The following PIEZO2 variants were observed in gnomAD, a reference collection of about 807,000 sequenced individuals.
PIEZO2 encodes piezo-type mechanosensitive ion channel component 2.
In PIEZO2, 172 loss-of-function variants were observed where a neutral mutation model predicts 337.3. That is an observed-to-expected ratio of 0.51 (90% confidence interval 0.45 to 0.58). The LOEUF (loss-of-function observed/expected upper bound fraction) is 0.58, where lower values mean the gene tolerates loss of function less well. PIEZO2 is among the 20% of genes least tolerant of loss of function. The pLI is 0.00. For missense variants in PIEZO2, 3,028 were observed against 3,391.3 expected (o/e 0.89, Z 2.66); for synonymous variants, 1,251 against 1,228.5 (o/e 1.02, Z -0.38).
At chr18:11,058,464 A>T (rs2037810710) in intron 2 of PIEZO2, among the ~76,000 whole-genome samples, 1 of 152,218 alleles carries the variant, frequency 6.6e-6, no homozygotes, top group Non-Finnish European at 1.5e-5. Flanking sequence ...ACTTCAGATG[A>T]TCAAACTACT....
chr18:10,701,740 A>G (rs1022026357), intron 43 of PIEZO2: 2 of 354,852 alleles, frequency 5.6e-6, no homozygotes, highest in Admixed American at 4.8e-5. Flanking sequence ...ATGGGGAAAC[A>G]TTCTCCCAGA....
At chr18:11,040,924 GA>G (rs2037097285) in intron 2 of PIEZO2, among the ~76,000 whole-genome samples, 1 of 152,064 alleles carries the variant, frequency 6.6e-6, no homozygotes, top group Admixed American at 6.5e-5. Context: ...GAAAAATTAG[GA>G]ATGAGGCCAA....
intron 33 of PIEZO2, chr18:10,738,994 C>A (rs2037117060): frequency 6.6e-6 from 1 of 152,162 alleles, no homozygotes; most frequent in South Asian, 2.1e-4. Flanking sequence ...ACATGTGTAT[C>A]CAACTACACT....
chr18:11,058,353 T>C (rs561246455), intron 2 of PIEZO2, among the ~76,000 whole-genome samples: 1 of 152,282 alleles, frequency 6.6e-6, no homozygotes, highest in East Asian at 1.9e-4. Context: ...CTGAAAACTC[T>C]AAAAATCAGA....
At chr18:11,014,399 G>A (rs1399561304) in intron 2 of PIEZO2, among the ~76,000 whole-genome samples, 2 of 150,232 alleles carry the variant, frequency 1.3e-5, no homozygotes, top group African/African-American at 4.9e-5. Flanking sequence ...TCCTCAGTGT[G>A]GAGCACGTCA....
intron 3 of PIEZO2, among the ~76,000 whole-genome samples, chr18:10,964,862 T>C (rs1432848029): frequency 6.6e-6 from 1 of 152,250 alleles, no homozygotes; most frequent in East Asian, 1.9e-4. Flanking sequence ...GTATGTGAAC[T>C]TGGTGTCTGG....
At chr18:10,693,720 G>T (rs920023376) in intron 47 of PIEZO2, among the ~76,000 whole-genome samples, 1 of 151,434 alleles carries the variant, frequency 6.6e-6, no homozygotes, top group Non-Finnish European at 1.5e-5. Context: ...TTAGGATCTA[G>T]TATCACCATT....
Position 10,726,254 on chromosome 18 carries a change from C to CCTGTGTT in PIEZO2, c.5029+5146_5029+5152dup. On this transcript the variant is annotated intron_variant, in intron 36 of 55. Coordinates refer to ENST00000674853, the MANE Select transcript of PIEZO2 (RefSeq NM_001378183.1). The surrounding 1 kb of genome is among the most constrained non-coding windows in gnomAD (Gnocchi z 5.9). ...GGGGCTGGAAGAGCTTGTGTGCGAG[C>CCTGTGTT]CTGTGTTCGGGAGCATGAGAATGGA... 1 of 770,204 alleles carries CCTGTGTT rather than the reference C, an allele frequency of 1.3e-6. No homozygotes were observed. The allele number at this position is 770,204 out of a possible 1,614,324, so 47.7% of individuals were successfully genotyped here.
At position 10,696,229 on chromosome 18, in the gene PIEZO2, C is replaced by A. The variant is rs2277860; in HGVS notation, c.7035G>T (p.Pro2345=). ...ACTGAATGAGGACCATCACCAAAAACGGCCCCGGGACCTGGTCCTCTGACA... is the reference window on the plus strand; with the variant it reads ...ACTGAATGAGGACCATCACCAAAAAAGGCCCCGGGACCTGGTCCTCTGACA... ...SSLSEDQVPG[P]FLVMVLIQFG... Residue 2345 remains proline, a synonymous_variant, in exon 47 of 56, where the codon CCG becomes CCT. Transcript: ENST00000674853. The A allele has an allele frequency of 2.5e-6, 4 of 1,613,924 alleles. No homozygotes were observed. Among genetic ancestry groups the A allele is most frequent in the Non-Finnish European group, 3.4e-6 (4 of 1,179,982 alleles).
intron 1 of PIEZO2, among the ~76,000 whole-genome samples, chr18:11,085,856 A>T (rs1296411184): frequency 6.8e-6 from 1 of 147,034 alleles, no homozygotes; most frequent in Admixed American, 6.8e-5. Context: ...AAAAAAAAAA[A>T]CGGAGAGAGT....
At position 10,705,753 on chromosome 18, in the gene PIEZO2, G is replaced by A. The variant is rs1182350612; in HGVS notation, c.5589-7C>T. On this transcript the variant is annotated splice_polypyrimidine_tract_variant and splice_region_variant and intron_variant, in intron 40 of 55. Transcript: ENST00000674853. ...GGTACACTGCGTGGGCTCGCTGTTG[G>A]GAGAAAGCGTGGGCACAGAGCCCAT... 6 of 1,512,902 alleles carry A rather than the reference G, an allele frequency of 4.0e-6. No homozygotes were observed. The highest frequency in any genetic ancestry group is 1.4e-5 in the African/African-American group (1 of 72,402). 93.7% of individuals were successfully genotyped at this position (1,512,902 alleles called of 1,614,324 possible). A position where few individuals can be genotyped will look rare whatever the true frequency, so the allele number is the denominator to read the frequency against.
chr18:10,709,930 A>G (rs144644104), intron 39 of PIEZO2, among the ~76,000 whole-genome samples: 1 of 152,368 alleles, frequency 6.6e-6, no homozygotes, highest in African/African-American at 2.4e-5. Flanking sequence ...GGACAAAATG[A>G]GGAGACAATG....
In PIEZO2 at chr18:10,821,455, C is replaced by T. The variant is rs577176144; in HGVS notation, c.918-14181G>A. ...TTGCATAAAGGTATCTACCTACCCA[C>T]CTAGAAGTAGAATGTTCTGATTAAA... On this transcript the variant is annotated intron_variant, in intron 7 of 55. Coordinates refer to ENST00000674853, the MANE Select transcript of PIEZO2 (RefSeq NM_001378183.1). This position sits in a 1 kb window ranked among gnomAD's most constrained non-coding sequence, Gnocchi z 4.2. Among the ~76,000 whole-genome samples, 3 of 152,082 alleles carry T rather than the reference C, an allele frequency of 2.0e-5. No homozygotes were observed. Among genetic ancestry groups the T allele is most frequent in the African/African-American group, 7.2e-5 (3 of 41,404 alleles).
At chr18:10,831,158 A>C (rs562763941) in intron 7 of PIEZO2, among the ~76,000 whole-genome samples, 1 of 152,350 alleles carries the variant, frequency 6.6e-6, no homozygotes, top group African/African-American at 2.4e-5. Flanking sequence ...CATACGATCC[A>C]GCAATCCCAC....
chr18:10,732,159 T>C (rs2036814217), intron 35 of PIEZO2, among the ~76,000 whole-genome samples: 4 of 152,190 alleles, frequency 2.6e-5, no homozygotes, highest in Admixed American at 2.6e-4. Context: ...GTTACATTAA[T>C]ATATTATAAC....
chr18:10,734,819 T>C (rs1397547881), intron 35 of PIEZO2, among the ~76,000 whole-genome samples: 1 of 152,044 alleles, frequency 6.6e-6, no homozygotes, highest in African/African-American at 2.4e-5. Context: ...AGAGACGGAG[T>C]AAAAGACATC....
rs984830208 is a variant in PIEZO2, at chr18:11,021,283, G to T, written c.161-41623C>A. 6.6e-6 allele frequency among the ~76,000 whole-genome samples: 1 copy of T among 152,254 alleles called. No individual in the cohort carries two copies. The highest frequency in any genetic ancestry group is 3.4e-3 in the Middle Eastern group (1 of 294). ...TCTCCCTGGAAAGAACTCCCAAACC[G>T]GTTTTCCATGGACCCAAAGTCAGTG... On this transcript the variant is annotated intron_variant, in intron 2 of 55. Transcript: ENST00000674853. This position sits in a 1 kb window ranked among gnomAD's most constrained non-coding sequence, Gnocchi z 4.7.
In PIEZO2 at chr18:10,759,591, G is replaced by A; in HGVS notation, c.3656-8C>T. ...TGAATCTCCACGGGTAATCTGCAGG[G>A]AGGGAAGTGGCGAACAGCACAATCA... On this transcript the variant is annotated splice_region_variant and splice_polypyrimidine_tract_variant and intron_variant, in intron 25 of 55. Transcript: ENST00000674853. The surrounding 1 kb of genome is among the most constrained non-coding windows in gnomAD (Gnocchi z 5.5). 6.5e-7 allele frequency: 1 copy of A among 1,536,996 alleles called. No individual in the cohort carries two copies. The highest frequency in any genetic ancestry group is 1.4e-5 in the African/African-American group (1 of 73,152).
chr18:10,968,032 G>A (rs899422963), intron 3 of PIEZO2, among the ~76,000 whole-genome samples: 1 of 152,104 alleles, frequency 6.6e-6, no homozygotes, highest in African/African-American at 2.4e-5. Flanking sequence ...CTTTGCCAAT[G>A]GCTAGAAGGG....
Sources: allele counts gnomAD v4.1 joint callset (sites outside exome capture counted in the v4.1 genomes callset), GRCh38; gene constraint gnomAD v4.1.1; non-coding constraint Gnocchi (gnomAD v3.1); transcripts MANE v1.5; gene names NCBI Gene and HGNC (gene_info 2026-07-23, HGNC 2026-07-21).